The following CSMD1 variants were observed in gnomAD, a reference collection of about 807,000 sequenced individuals.
CSMD1 encodes the protein CUB and Sushi multiple domains 1.
A neutral mutation model predicts 417.5 loss-of-function variants in CSMD1; 213 were observed. That is an observed-to-expected ratio of 0.51 (90% CI 0.46 to 0.57). CSMD1 has a LOEUF of 0.57. CSMD1 is among the 20% of genes least tolerant of loss of function. The probability of loss-of-function intolerance (pLI) is 0.00; values close to 1 mark genes in which losing one functional copy is unlikely to be tolerated. For missense variants in CSMD1, 6,923 were observed against 4,529.7 expected (o/e 1.53, Z -15.17); for synonymous variants, 2,862 against 1,736.8 (o/e 1.65, Z -16.11).
At chr8:4,444,392 G>A (rs576890854) in intron 2 of CSMD1, among the ~76,000 whole-genome samples, 2 of 141,528 alleles carry the variant, frequency 1.4e-5, no homozygotes, top group African/African-American at 2.7e-5. Context: ...GGTTCTTGGA[G>A]TAGGTCATGC....
chr8:4,580,543 G>C (rs540768093), intron 2 of CSMD1, among the ~76,000 whole-genome samples: 64 of 152,230 alleles, frequency 4.2e-4, no homozygotes, highest in African/African-American at 1.5e-3. Context: ...AGCTTGAGTT[G>C]TTCCCCATGT....
chr8:3,899,568 T>C (rs1298325660), intron 5 of CSMD1, among the ~76,000 whole-genome samples: 3 of 152,154 alleles, frequency 2.0e-5, no homozygotes, highest in African/African-American at 7.2e-5. Flanking sequence ...AAGGTTGTTG[T>C]TGTAAAATTT....
chr8:3,803,398 A>T (rs533404420), intron 5 of CSMD1, among the ~76,000 whole-genome samples: 4 of 152,200 alleles, frequency 2.6e-5, no homozygotes, highest in African/African-American at 7.2e-5. Context: ...GCTGGAGAGG[A>T]AACAGGTAGT....
intron 3 of CSMD1, among the ~76,000 whole-genome samples, chr8:4,263,072 A>T (rs1044598694): frequency 4.6e-5 from 7 of 152,164 alleles, no homozygotes; most frequent in African/African-American, 1.7e-4. Flanking sequence ...GAACACTTTT[A>T]ATGAGATATA....
intron 18 of CSMD1, among the ~76,000 whole-genome samples, chr8:3,369,737 T>A (rs1461951652): frequency 1.3e-5 from 2 of 152,214 alleles, no homozygotes; most frequent in African/African-American, 4.8e-5. Context: ...CATGTCATGT[T>A]CAAACACTCA....
chr8:4,658,982 A>C (rs1804416164), intron 1 of CSMD1, among the ~76,000 whole-genome samples: 1 of 152,196 alleles, frequency 6.6e-6, no homozygotes, highest in Non-Finnish European at 1.5e-5. Context: ...GTAACCACGA[A>C]GGCAATAACT....
intron 26 of CSMD1, among the ~76,000 whole-genome samples, chr8:3,246,991 A>G (rs968633665): frequency 8.5e-5 from 13 of 152,188 alleles, no homozygotes; most frequent in Admixed American, 6.5e-4. Context: ...TTAAGGCAAG[A>G]GTTATTACCT....
At chr8:3,885,582 T>G (rs1806506570) in intron 5 of CSMD1, among the ~76,000 whole-genome samples, 1 of 152,190 alleles carries the variant, frequency 6.6e-6, no homozygotes, top group South Asian at 2.1e-4. Flanking sequence ...TAGGCAGTCA[T>G]CATCCAACAT....
At chr8:3,411,834 G>A (rs185281424) in intron 12 of CSMD1, among the ~76,000 whole-genome samples, 11 of 66,234 alleles carry the variant, frequency 1.7e-4, no homozygotes, top group Admixed American at 6.2e-4. Flanking sequence ...ATGTATATAT[G>A]CACGTATATA....
At chr8:4,686,500 C>G (rs1275051929) in intron 1 of CSMD1, among the ~76,000 whole-genome samples, 1 of 152,226 alleles carries the variant, frequency 6.6e-6, no homozygotes, top group African/African-American at 2.4e-5. Flanking sequence ...TAACCTGTCT[C>G]TGAAAACACG....
chr8:4,226,695 C>A lies in CSMD1; in HGVS notation c.415+193258G>T, dbSNP rs371868948. Among the ~76,000 whole-genome samples, 20 of 151,860 alleles carry A rather than the reference C, an allele frequency of 1.3e-4. No individual in the cohort carries two copies. The East Asian group carries it at 3.7e-3, about 28-fold the overall frequency. Reference sequence around the variant, plus strand: ...TAAATGTATTCCTTTAAAAATTTTACGTCCTCTTTAAAAAAGAAAAAAAAA... The same window carrying A: ...TAAATGTATTCCTTTAAAAATTTTAAGTCCTCTTTAAAAAAGAAAAAAAAA... On this transcript the variant is annotated intron_variant, in intron 3 of 69. Coordinates refer to ENST00000635120, the MANE Select transcript of CSMD1 (RefSeq NM_033225.6).
chr8:3,257,055 C>A (rs753384254), intron 26 of CSMD1, among the ~76,000 whole-genome samples: 1 of 152,188 alleles, frequency 6.6e-6, no homozygotes, highest in Non-Finnish European at 1.5e-5. Context: ...GGTACAGTGG[C>A]TCATGCCTGT....
At chr8:4,766,425 C>T (rs997007737) in intron 1 of CSMD1, among the ~76,000 whole-genome samples, 1 of 152,064 alleles carries the variant, frequency 6.6e-6, no homozygotes, top group Non-Finnish European at 1.5e-5. Flanking sequence ...AGTTCTCCTT[C>T]GATCACGAAT....
chr8:2,998,106 T>C lies in CSMD1; in HGVS notation c.8282A>G (p.Asn2761Ser), dbSNP rs1388019836. 1 of 1,614,006 alleles carries C rather than the reference T, an allele frequency of 6.2e-7. No individual in the cohort carries two copies. Among genetic ancestry groups the C allele is most frequent in the East Asian group, 2.2e-5 (1 of 44,880 alleles). Reference sequence around the variant, plus strand: ...CAAATAGCCCGTGTTGCAGGTGAAATTCACGACATCATTCAGGTTGAACTC... The same window carrying C: ...CAAATAGCCCGTGTTGCAGGTGAAACTCACGACATCATTCAGGTTGAACTC... ...GSEFNLNDVV[N>S]FTCNTGYLLQ... Residue 2761 changes from asparagine (N) to serine (S), a missense_variant, in exon 54 of 70, where the codon AAT becomes AGT. Asn to Ser is a conservative substitution (Grantham distance 46). Coordinates refer to ENST00000635120, the MANE Select transcript of CSMD1 (RefSeq NM_033225.6).
At chr8:4,439,436 T>G (rs1798334934) in intron 2 of CSMD1, among the ~76,000 whole-genome samples, 1 of 152,138 alleles carries the variant, frequency 6.6e-6, no homozygotes, top group Non-Finnish European at 1.5e-5. Context: ...TGTAATGATT[T>G]TCATCTAACT....
At chr8:3,855,023 A>G (rs1341418807) in intron 5 of CSMD1, among the ~76,000 whole-genome samples, 1 of 152,198 alleles carries the variant, frequency 6.6e-6, no homozygotes, top group African/African-American at 2.4e-5. Flanking sequence ...TCGGAAATAA[A>G]CACAAAAACA....
At chr8:3,318,424 G>C (rs1214568334) in intron 23 of CSMD1, among the ~76,000 whole-genome samples, 1 of 152,180 alleles carries the variant, frequency 6.6e-6, no homozygotes. Context: ...TATTTTGCTA[G>C]ACGCCGAAGA....
Position 4,327,625 on chromosome 8 carries a change from A to C in CSMD1, c.415+92328T>G, listed in dbSNP as rs564300191. Among the ~76,000 whole-genome samples, 5 of 152,324 alleles carry C rather than the reference A, an allele frequency of 3.3e-5. No individual in the cohort carries two copies. In the South Asian group the frequency reaches 6.2e-4, roughly 19 times the overall value. On this transcript the variant is annotated intron_variant, in intron 3 of 69. Coordinates refer to ENST00000635120, the MANE Select transcript of CSMD1 (RefSeq NM_033225.6). ...AAGTCAGAAAGGGGAAAAAGCCCCC[A>C]AAAACAACAACAACAAAAAACAACA... is the stretch of plus-strand genomic sequence containing the variant.
intron 3 of CSMD1, among the ~76,000 whole-genome samples, chr8:4,189,930 T>TC (rs1798915442): frequency 6.6e-6 from 1 of 152,016 alleles, no homozygotes; most frequent in African/African-American, 2.4e-5. Context: ...CATATTTTTT[T>TC]TTTCTAAAAA....
Sources: allele counts gnomAD v4.1 joint callset (sites outside exome capture counted in the v4.1 genomes callset), GRCh38; gene constraint gnomAD v4.1.1; transcripts MANE v1.5; gene names NCBI Gene and HGNC (gene_info 2026-07-23, HGNC 2026-07-21).